The following MAGI2 variants were observed in gnomAD, a reference collection of about 807,000 sequenced individuals.
MAGI2 encodes the protein membrane associated guanylate kinase, WW and PDZ domain containing 2.
A neutral mutation model predicts 133.3 loss-of-function variants in MAGI2; 35 were observed. That is an observed-to-expected ratio of 0.26 (90% CI 0.20 to 0.35). The LOEUF (loss-of-function observed/expected upper bound fraction) is 0.35, where lower values mean the gene tolerates loss of function less well. Ranked by LOEUF, MAGI2 falls within the 10% of genes least tolerant of loss-of-function variation. MAGI2 has a pLI of 1.00. For synonymous variants in MAGI2, 729 were observed against 710.6 expected (o/e 1.03, Z -0.41); for missense variants, 1,636 against 1,863.4 (o/e 0.88, Z 2.25).
chr7:78,817,058 G>C (rs1171528603), intron 2 of MAGI2, among the ~76,000 whole-genome samples: 1 of 152,190 alleles, frequency 6.6e-6, no homozygotes, highest in Non-Finnish European at 1.5e-5. Context: ...ACATTAATAG[G>C]AATTTGGATA....
chr7:78,555,239 T>TAGAC (rs1356441151), intron 3 of MAGI2, among the ~76,000 whole-genome samples: 1 of 150,206 alleles, frequency 6.7e-6, no homozygotes, highest in Non-Finnish European at 1.5e-5. Flanking sequence ...GATAGATAGA[T>TAGAC]AGATAGATAG....
At chr7:78,091,827 T>C (rs1817242532) in intron 20 of MAGI2, among the ~76,000 whole-genome samples, 1 of 152,242 alleles carries the variant, frequency 6.6e-6, no homozygotes, top group African/African-American at 2.4e-5. Flanking sequence ...TGAGATTTTA[T>C]GATGTATTGT....
At chr7:78,993,346 T>C (rs1332377566) in intron 2 of MAGI2, among the ~76,000 whole-genome samples, 1 of 152,102 alleles carries the variant, frequency 6.6e-6, no homozygotes, top group Non-Finnish European at 1.5e-5. Context: ...AAACAAGGCA[T>C]TTAAAACTTA....
At chr7:79,171,746 AT>A (rs1204257262) in intron 1 of MAGI2, among the ~76,000 whole-genome samples, 3 of 22,282 alleles carry the variant, frequency 1.3e-4, no homozygotes, top group African/African-American at 3.6e-4. Context: ...AGCCAAAAAT[AT>A]ATATATATAT....
At chr7:78,385,901 G>A (rs1795341197) in intron 6 of MAGI2, among the ~76,000 whole-genome samples, 1 of 152,050 alleles carries the variant, frequency 6.6e-6, no homozygotes, top group South Asian at 2.1e-4. Context: ...TTTCATATAT[G>A]AGCATCCACT....
intron 5 of MAGI2, among the ~76,000 whole-genome samples, chr7:78,498,704 G>T (rs1192285459): frequency 2.6e-5 from 4 of 152,142 alleles, no homozygotes; most frequent in Non-Finnish European, 4.4e-5. Context: ...GAATCTTGAG[G>T]TTCAAAGGTA....
chr7:79,182,383 T>G (rs2129550403), intron 1 of MAGI2, among the ~76,000 whole-genome samples: 1 of 151,996 alleles, frequency 6.6e-6, no homozygotes, highest in East Asian at 1.9e-4. Flanking sequence ...ACAGAGAAAC[T>G]TCCCTTTTTA....
chr7:79,039,855 T>TTA (rs901795545), intron 1 of MAGI2, among the ~76,000 whole-genome samples: 16 of 142,902 alleles, frequency 1.1e-4, no homozygotes, highest in African/African-American at 3.6e-4. Context: ...TACATATATA[T>TTA]TATATATATA....
chr7:78,068,968 C>T (rs969967385), intron 21 of MAGI2, among the ~76,000 whole-genome samples: 1 of 152,128 alleles, frequency 6.6e-6, no homozygotes, highest in Non-Finnish European at 1.5e-5. Context: ...TTAATAGGTC[C>T]AGCTGAGAGG....
chr7:79,284,733 T>C (rs893671661), intron 1 of MAGI2, among the ~76,000 whole-genome samples: 2 of 152,224 alleles, frequency 1.3e-5, no homozygotes, highest in East Asian at 1.9e-4. Flanking sequence ...TAATGTTCAA[T>C]TGGAACGTTA....
At chr7:79,187,125 A>G (rs1167987209) in intron 1 of MAGI2, among the ~76,000 whole-genome samples, 1 of 151,632 alleles carries the variant, frequency 6.6e-6, no homozygotes, top group Non-Finnish European at 1.5e-5. Flanking sequence ...ATATTTTAAC[A>G]GAGATGATTT....
intron 2 of MAGI2, among the ~76,000 whole-genome samples, chr7:78,936,363 TA>T (rs1800517901): frequency 1.3e-5 from 2 of 152,004 alleles, no homozygotes; most frequent in South Asian, 4.1e-4. Flanking sequence ...CAGACTTTCC[TA>T]CATATACTCT....
chr7:78,834,915 A>T (rs187648876), intron 2 of MAGI2, among the ~76,000 whole-genome samples: 143 of 152,106 alleles, frequency 9.4e-4, no homozygotes, highest in Non-Finnish European at 1.5e-3. Context: ...TGCCTGCTCC[A>T]CTTCACCTTC....
At chr7:78,912,089 A>G (rs1798442057) in intron 2 of MAGI2, among the ~76,000 whole-genome samples, 1 of 152,208 alleles carries the variant, frequency 6.6e-6, no homozygotes, top group Admixed American at 6.5e-5. Context: ...ATTGTTTCTT[A>G]AAAACTTCCA....
intron 6 of MAGI2, among the ~76,000 whole-genome samples, chr7:78,396,277 A>G (rs1444822797): frequency 6.6e-6 from 1 of 152,168 alleles, no homozygotes. Context: ...AAAAAAATCC[A>G]AATTCCACAC....
chr7:78,431,812 G>A (rs766385415), intron 6 of MAGI2, among the ~76,000 whole-genome samples: 1 of 151,798 alleles, frequency 6.6e-6, no homozygotes, highest in Non-Finnish European at 1.5e-5. Flanking sequence ...TTTTTTCAAG[G>A]TGTCTCGTAA....
chr7:79,289,623 G>A (rs1836300795), intron 1 of MAGI2, among the ~76,000 whole-genome samples: 2 of 152,060 alleles, frequency 1.3e-5, no homozygotes. Context: ...TATCTTTAGT[G>A]GTAAAAGGCA....
At chr7:79,219,878 T>G (rs1270345328) in intron 1 of MAGI2, among the ~76,000 whole-genome samples, 1 of 152,066 alleles carries the variant, frequency 6.6e-6, no homozygotes, top group Non-Finnish European at 1.5e-5. Flanking sequence ...ACTAAATGTA[T>G]ATTTTTAATT....
At chr7:78,586,748 G>A (rs1803459506) in intron 3 of MAGI2, among the ~76,000 whole-genome samples, 1 of 152,066 alleles carries the variant, frequency 6.6e-6, no homozygotes, top group Non-Finnish European at 1.5e-5. Flanking sequence ...TCTCCCTGCA[G>A]TCCTCACAAC....
Sources: allele counts gnomAD v4.1 joint callset (sites outside exome capture counted in the v4.1 genomes callset), GRCh38; gene constraint gnomAD v4.1.1; transcripts MANE v1.5; gene names NCBI Gene and HGNC (gene_info 2026-07-23, HGNC 2026-07-21).